DNM3: variants seen among roughly 807,000 people sequenced by gnomAD.
The protein encoded by DNM3 is dynamin-3.
In DNM3, 47 loss-of-function variants were observed where a neutral mutation model predicts 101.6. The ratio of observed to expected loss-of-function variants is 0.46; its 90% CI spans 0.37 to 0.59. DNM3 has a LOEUF of 0.59. Among genes scored for constraint, DNM3 ranks in the 20% least tolerant of loss-of-function variants. The pLI is 0.00. For missense variants in DNM3, 849 were observed against 1,085.7 expected (o/e 0.78, Z 3.06); for synonymous variants, 385 against 387.9 (o/e 0.99, Z 0.09).
At chr1:172,083,218 C>T (rs1301427947) in intron 12 of DNM3, among the ~76,000 whole-genome samples, 2 of 152,164 alleles carry the variant, frequency 1.3e-5, no homozygotes, top group African/African-American at 4.8e-5. Context: ...CAGGTTTCCT[C>T]CACAGTCAGT....
chr1:172,126,837 A>C lies in DNM3; in HGVS notation c.1546-4338A>C, dbSNP rs79457661. ...CCTAGATTGAATGGATGATCACCTGAATTACTCTCTTGCCTAAAACCTTCA... is the reference window on the plus strand; with the variant it reads ...CCTAGATTGAATGGATGATCACCTGCATTACTCTCTTGCCTAAAACCTTCA... On this transcript the variant is annotated intron_variant, in intron 13 of 20. Coordinates refer to ENST00000627582, the MANE Select transcript of DNM3 (RefSeq NM_015569.5). Among the ~76,000 whole-genome samples, 2,456 of 152,024 alleles carry C rather than the reference A, an allele frequency of 0.016. 124 individuals are homozygous for C. In the East Asian group the frequency reaches 0.18, roughly 11 times the overall value.
chr1:172,051,774 G>A (rs1447461894), intron 10 of DNM3, among the ~76,000 whole-genome samples: 1 of 152,200 alleles, frequency 6.6e-6, no homozygotes, highest in Non-Finnish European at 1.5e-5. Context: ...CCCACAAGGT[G>A]TATGGGTGAG....
At chr1:172,406,977 TA>T (rs2070940369) in intron 20 of DNM3, among the ~76,000 whole-genome samples, 1 of 151,944 alleles carries the variant, frequency 6.6e-6, no homozygotes, top group Non-Finnish European at 1.5e-5. Flanking sequence ...AAAAACTTAT[TA>T]ATATATTTAG....
chr1:172,263,526 G>A (rs931041078), intron 15 of DNM3, among the ~76,000 whole-genome samples: 2 of 152,174 alleles, frequency 1.3e-5, no homozygotes, highest in Admixed American at 6.5e-5. Context: ...GAGATTTCAT[G>A]GACTCATAGT....
At chr1:172,066,277 GTATACAGAAAAGGAATTTATTTCTT>G (rs2051655965) in intron 10 of DNM3, among the ~76,000 whole-genome samples, 3 of 152,100 alleles carry the variant, frequency 2.0e-5, no homozygotes, top group Non-Finnish European at 4.4e-5. Context: ...CTGAAACTGG[GTATACAGAAAAGGAATTTATTTCTT>G]TATACAGAAA....
intron 4 of DNM3, among the ~76,000 whole-genome samples, chr1:172,018,262 T>G (rs1177464308): frequency 6.6e-6 from 1 of 152,172 alleles, no homozygotes; most frequent in Non-Finnish European, 1.5e-5. Flanking sequence ...TTGTTGCCCT[T>G]GTTTTCTTTC....
intron 14 of DNM3, among the ~76,000 whole-genome samples, chr1:172,161,949 T>C (rs1009925305): frequency 6.6e-6 from 1 of 152,022 alleles, no homozygotes; most frequent in Non-Finnish European, 1.5e-5. Flanking sequence ...TGGGGTTGGG[T>C]AATTTGGCTG....
At chr1:172,216,328 T>A (rs1303515018) in intron 14 of DNM3, among the ~76,000 whole-genome samples, 2 of 152,168 alleles carry the variant, frequency 1.3e-5, no homozygotes, top group Admixed American at 1.3e-4. Context: ...GACTTCCTTA[T>A]TAGTGACTTT....
intron 2 of DNM3, among the ~76,000 whole-genome samples, chr1:171,947,826 T>C (rs1571773208): frequency 6.6e-6 from 1 of 152,344 alleles, no homozygotes; most frequent in East Asian, 1.9e-4. Context: ...AAGTAACTGA[T>C]ACATTTTAAA....
chr1:172,277,045 C>G (rs769442713), intron 15 of DNM3, among the ~76,000 whole-genome samples: 3 of 151,986 alleles, frequency 2.0e-5, no homozygotes, highest in Non-Finnish European at 4.4e-5. Context: ...ATTATTCAAC[C>G]TATAAGTGCT....
intron 13 of DNM3, among the ~76,000 whole-genome samples, chr1:172,101,024 T>C (rs2054604690): frequency 6.6e-6 from 1 of 152,208 alleles, no homozygotes; most frequent in Non-Finnish European, 1.5e-5. Flanking sequence ...GGTATACTGA[T>C]TGACTTAGGC....
intron 1 of DNM3, among the ~76,000 whole-genome samples, chr1:171,882,839 T>C (rs921941233): frequency 6.6e-6 from 1 of 152,050 alleles, no homozygotes; most frequent in African/African-American, 2.4e-5. Context: ...TTGAAAAACA[T>C]GGAAATATAT....
intron 1 of DNM3, among the ~76,000 whole-genome samples, chr1:171,897,619 G>A (rs75156164): frequency 0.26 from 39,520 of 152,030 alleles, 5,656 homozygotes; most frequent in Admixed American, 0.34. Context: ...CTATGCCATA[G>A]TGAATGCTTA....
Position 172,279,732 on chromosome 1 carries a change from A to G in DNM3, c.1769+26050A>G, listed in dbSNP as rs115163956. ...TCCGCACCCAGTTTCTCAGAAACAT[A>G]TGATGGCTCTGCCTTGGATATATAT... On this transcript the variant is annotated intron_variant, in intron 15 of 20. Coordinates refer to ENST00000627582, the MANE Select transcript of DNM3 (RefSeq NM_015569.5). 4.3e-3 allele frequency among the ~76,000 whole-genome samples: 648 copies of G among 152,242 alleles called. 10 individuals carry two copies. The highest frequency in any genetic ancestry group is 0.014 in the African/African-American group (594 of 41,546).
chr1:172,097,860 C>T (rs191076433), intron 13 of DNM3, among the ~76,000 whole-genome samples: 18 of 152,168 alleles, frequency 1.2e-4, no homozygotes, highest in South Asian at 4.2e-4. Flanking sequence ...GGAGATGTCA[C>T]GTGTTGGCAG....
chr1:172,411,647 A>G lies in DNM3; in HGVS notation c.*3806A>G. ...CTAATACCTTGGAGGTAGGTCATCC[A>G]CTTTTTCAGGTAAACATTTTTCATT... On this transcript the variant is annotated 3_prime_UTR_variant, in exon 21 of 21. Coordinates refer to ENST00000627582, the MANE Select transcript of DNM3 (RefSeq NM_015569.5). 1.0e-5 allele frequency: 10 copies of G among 985,256 alleles called. No individual in the cohort carries two copies. The highest frequency in any genetic ancestry group is 1.2e-5 in the Non-Finnish European group (10 of 829,818). The allele number at this position is 985,256 out of a possible 1,614,324, so 61.0% of individuals were successfully genotyped here. A position where few individuals can be genotyped will look rare whatever the true frequency, so the allele number is the denominator to read the frequency against.
At chr1:172,022,342 T>C (rs1288305594) in intron 4 of DNM3, among the ~76,000 whole-genome samples, 1 of 152,178 alleles carries the variant, frequency 6.6e-6, no homozygotes, top group Non-Finnish European at 1.5e-5. Flanking sequence ...AAATCCTTTC[T>C]GACAGTGGTT....
intron 2 of DNM3, among the ~76,000 whole-genome samples, chr1:171,941,264 A>G (rs1457555908): frequency 6.6e-6 from 1 of 152,208 alleles, no homozygotes; most frequent in Non-Finnish European, 1.5e-5. Flanking sequence ...GGCTAGGAAA[A>G]AAATTTACAA....
chr1:172,126,424 A>G (rs2056619944), intron 13 of DNM3, among the ~76,000 whole-genome samples: 3 of 152,182 alleles, frequency 2.0e-5, no homozygotes, highest in Admixed American at 1.3e-4. Flanking sequence ...TCTTAAATAT[A>G]TTCTAATTAT....
Sources: gnomAD v4.1 joint callset for allele counts (sites outside exome capture counted in the v4.1 genomes callset) on GRCh38, gnomAD v4.1.1 for gene constraint, MANE v1.5 for transcripts, NCBI Gene and HGNC (gene_info 2026-07-23, HGNC 2026-07-21) for gene names.